Variants in SLC27A2 observed in about 807,000 individuals in gnomAD.
SLC27A2 encodes the protein solute carrier family 27 member 2.
A neutral mutation model predicts 60.0 loss-of-function variants in SLC27A2; 54 were observed. That is an observed-to-expected ratio of 0.90 (90% CI 0.72 to 1.13). The LOEUF (loss-of-function observed/expected upper bound fraction) is 1.13, where lower values mean the gene tolerates loss of function less well. Ranked by LOEUF, SLC27A2 falls within the 50% of genes most tolerant of loss-of-function variation. The probability of loss-of-function intolerance (pLI) is 0.00; values close to 1 mark genes in which losing one functional copy is unlikely to be tolerated. For synonymous variants in SLC27A2, 297 were observed against 297.6 expected (o/e 1.00, Z 0.02); for missense variants, 739 against 777.6 (o/e 0.95, Z 0.59).
At chr15:50,187,969 CAAA>C (rs36119542) in intron 1 of SLC27A2, among the ~76,000 whole-genome samples, 22 of 105,672 alleles carry the variant, frequency 2.1e-4, no homozygotes, top group Admixed American at 2.9e-4. Flanking sequence ...GAGAGGCCAC[CAAA>C]AAAAAAAAAA....
rs142653328 is a variant in SLC27A2, at chr15:50,205,910, A to C, written c.972+547A>C. On this transcript the variant is annotated intron_variant, in intron 4 of 9. Transcript: ENST00000267842. ...TTACTTAATGCTGTTTAACAAATAA[A>C]TCTCTGTGTGACTTTGAAACCAGCC... 1.9e-3 allele frequency among the ~76,000 whole-genome samples: 293 copies of C among 152,266 alleles called. 1 individual carries two copies. Among genetic ancestry groups the C allele is most frequent in the African/African-American group, 6.7e-3 (278 of 41,544 alleles).
intron 4 of SLC27A2, among the ~76,000 whole-genome samples, chr15:50,219,791 C>T (rs1022236797): frequency 1.3e-5 from 2 of 152,180 alleles, no homozygotes; most frequent in African/African-American, 4.8e-5. Context: ...CTTCATTCCT[C>T]TCTGGACATC....
chr15:50,196,357 G>T (rs1210763234), intron 1 of SLC27A2, among the ~76,000 whole-genome samples: 2 of 151,476 alleles, frequency 1.3e-5, no homozygotes, highest in Non-Finnish European at 2.9e-5. Flanking sequence ...GAACAGCCCT[G>T]TTCATCTATT....
At position 50,205,276 on chromosome 15, in the gene SLC27A2, C is replaced by T; in HGVS notation, c.885C>T (p.Ser295=). The T allele has an allele frequency of 1.9e-6, 3 of 1,606,774 alleles. No homozygotes were observed. Among genetic ancestry groups the T allele is most frequent in the Non-Finnish European group, 1.7e-6 (2 of 1,175,430 alleles). ...TLALRTKFSA[S]QFWDDCRKYN... ...CCTTGCGGACTAAATTTTCAGCCAG[C>T]CAGTTTTGGGATGACTGCAGAAAAT... Residue 295 remains serine, a synonymous_variant, in exon 4 of 10, where the codon AGC becomes AGT. Coordinates refer to ENST00000267842, the MANE Select transcript of SLC27A2 (RefSeq NM_003645.4).
chr15:50,219,875 GT>G (rs910452230), intron 4 of SLC27A2, among the ~76,000 whole-genome samples: 1 of 152,022 alleles, frequency 6.6e-6, no homozygotes, highest in Admixed American at 6.6e-5. Context: ...GACGAAGAAG[GT>G]TTTTTTCTTG....
At chr15:50,221,667 T>C (rs1030756366) in intron 4 of SLC27A2, among the ~76,000 whole-genome samples, 2 of 152,228 alleles carry the variant, frequency 1.3e-5, no homozygotes, top group Non-Finnish European at 2.9e-5. Context: ...CTCTAACCAA[T>C]TGCTGTTTTA....
intron 1 of SLC27A2, chr15:50,190,856 T>C (rs566899506): frequency 1.3e-5 from 2 of 152,304 alleles, no homozygotes; most frequent in African/African-American, 4.8e-5. Context: ...TGACCACTGT[T>C]TCTCATACTC....
intron 1 of SLC27A2, among the ~76,000 whole-genome samples, chr15:50,194,595 G>A (rs2044999503): frequency 6.6e-6 from 1 of 152,118 alleles, no homozygotes; most frequent in South Asian, 2.1e-4. Flanking sequence ...TGAGAGTGAA[G>A]CTGATAAATT....
intron 1 of SLC27A2, among the ~76,000 whole-genome samples, chr15:50,189,258 C>T (rs1402693872): frequency 2.0e-5 from 3 of 152,186 alleles, no homozygotes; most frequent in Non-Finnish European, 4.4e-5. Context: ...GGCTTACTTA[C>T]CTCTCAAAGG....
chr15:50,205,256 C>A lies in SLC27A2; in HGVS notation c.865C>A (p.Arg289=), dbSNP rs375496298. ...CTCTGTAGGTGCTACTCTTGCCTTG[C>A]GGACTAAATTTTCAGCCAGCCAGTT... The part of the protein sequence containing the change: ...CIVAGATLAL[R]TKFSASQFWD... The change falls in exon 4 of 10, where the codon CGG becomes AGG. Residue 289 remains arginine, a synonymous_variant. Transcript: ENST00000267842. 83 of 1,607,988 alleles carry A rather than the reference C, an allele frequency of 5.2e-5. No homozygotes were observed. The highest frequency in any genetic ancestry group is 6.7e-5 in the Admixed American group (4 of 59,680).
At chr15:50,231,520 A>C (rs556578042) in intron 8 of SLC27A2, among the ~76,000 whole-genome samples, 12 of 152,300 alleles carry the variant, frequency 7.9e-5, no homozygotes, top group South Asian at 6.2e-4. Flanking sequence ...TTTAAAAAAA[A>C]ACACACACAC....
At chr15:50,228,848 G>T in intron 7 of SLC27A2, 97 bp from the exon 8 acceptor site, 1 of 813,762 alleles carries the variant, frequency 1.2e-6, no homozygotes, top group South Asian at 1.5e-5. Context: ...ACGAGATCAG[G>T]ATCATGCAGA....
intron 5 of SLC27A2, among the ~76,000 whole-genome samples, chr15:50,225,660 C>T (rs2045273007): frequency 6.6e-6 from 1 of 152,134 alleles, no homozygotes; most frequent in Non-Finnish European, 1.5e-5. Context: ...CAATAAAAAA[C>T]ACCAACATGG....
chr15:50,209,895 G>A (rs1036080859), intron 4 of SLC27A2, among the ~76,000 whole-genome samples: 1 of 152,112 alleles, frequency 6.6e-6, no homozygotes, highest in Non-Finnish European at 1.5e-5. Flanking sequence ...CAGAAACTAA[G>A]AGACATTGCA....
chr15:50,196,072 A>AAT, intron 1 of SLC27A2, among the ~76,000 whole-genome samples: 6 of 18,116 alleles, frequency 3.3e-4, no homozygotes, highest in Admixed American at 1.8e-3. Context: ...AAAAAAAAAA[A>AAT]AAAAAATATA....
intron 4 of SLC27A2, among the ~76,000 whole-genome samples, chr15:50,210,469 C>T (rs1368425446): frequency 2.0e-5 from 3 of 152,200 alleles, no homozygotes; most frequent in East Asian, 3.9e-4. Context: ...GTAGAGGAAG[C>T]TGCAGAAAGG....
At chr15:50,210,292 C>G (rs531382169) in intron 4 of SLC27A2, among the ~76,000 whole-genome samples, 1 of 152,230 alleles carries the variant, frequency 6.6e-6, no homozygotes, top group East Asian at 1.9e-4. Flanking sequence ...TCCTAGAGGA[C>G]CCGGGAGACA....
At position 50,236,239 on chromosome 15, in the gene SLC27A2, T is replaced by G; in HGVS notation, c.*143T>G. On this transcript the variant is annotated 3_prime_UTR_variant, in exon 10 of 10. Coordinates refer to ENST00000267842, the MANE Select transcript of SLC27A2 (RefSeq NM_003645.4). ...ACCCGTAAAGGGAGACTTTTTTAAA[T>G]AACAGTTGAGTCTTTGCAAGTAAAA... 1.8e-6 allele frequency: 1 copy of G among 565,772 alleles called. No homozygotes were observed. Among genetic ancestry groups the G allele is most frequent in the Non-Finnish European group, 2.9e-6 (1 of 341,096 alleles). The allele number at this position is 565,772 out of a possible 1,614,324, so 35.0% of individuals were successfully genotyped here. A position where few individuals can be genotyped will look rare whatever the true frequency, so the allele number is the denominator to read the frequency against.
intron 1 of SLC27A2, chr15:50,191,050 A>G (rs2044969146): frequency 6.6e-6 from 1 of 152,218 alleles, no homozygotes; most frequent in African/African-American, 2.4e-5. Flanking sequence ...TGGGAACCTC[A>G]GAAGCCCAGA....
Sources: gnomAD v4.1 joint callset for allele counts (sites outside exome capture counted in the v4.1 genomes callset) on GRCh38, gnomAD v4.1.1 for gene constraint, MANE v1.5 for transcripts, NCBI Gene and HGNC (gene_info 2026-07-23, HGNC 2026-07-21) for gene names.